Variants in CDH12 observed in about 807,000 individuals in gnomAD.
The protein encoded by CDH12 is cadherin-12.
CDH12 carries 41 observed loss-of-function variants against 74.1 expected under a neutral mutation model. That is an observed-to-expected ratio of 0.55 (90% CI 0.43 to 0.72). CDH12 has a LOEUF of 0.72. CDH12 is among the 30% of genes least tolerant of loss of function. The pLI is 0.00. For missense variants in CDH12, 945 were observed against 977.2 expected, an observed-to-expected ratio of 0.97 and a Z score of 0.44; for synonymous variants, 399 against 355.0, an observed-to-expected ratio of 1.12 and a Z score of -1.39.
intron 6 of CDH12, among the ~76,000 whole-genome samples, chr5:21,890,857 G>T (rs1274070153): frequency 6.6e-6 from 1 of 151,986 alleles, no homozygotes; most frequent in African/African-American, 2.4e-5. Flanking sequence ...GAATTACAAA[G>T]AAAGAGCAAA....
At chr5:21,788,251 C>T (rs1746302693) in intron 10 of CDH12, among the ~76,000 whole-genome samples, 1 of 152,098 alleles carries the variant, frequency 6.6e-6, no homozygotes, top group African/African-American at 2.4e-5. Flanking sequence ...GGCAATCCTT[C>T]CTGCACATGA....
chr5:22,119,880 T>C (rs1745403701), intron 4 of CDH12, among the ~76,000 whole-genome samples: 1 of 152,262 alleles, frequency 6.6e-6, no homozygotes, highest in Middle Eastern at 3.4e-3. Flanking sequence ...TTGTTAAACA[T>C]TGGTATTATT....
chr5:22,518,179 G>A (rs769822491), intron 1 of CDH12, among the ~76,000 whole-genome samples: 2 of 152,180 alleles, frequency 1.3e-5, no homozygotes, highest in African/African-American at 2.4e-5. Context: ...GTAGACAAGA[G>A]GAATTAATGT....
At chr5:22,180,606 G>A (rs1372284184) in intron 4 of CDH12, among the ~76,000 whole-genome samples, 13 of 151,790 alleles carry the variant, frequency 8.6e-5, no homozygotes, top group Non-Finnish European at 1.5e-4. Flanking sequence ...TCTGCCTCCC[G>A]GGTTTCAAGC....
intron 1 of CDH12, among the ~76,000 whole-genome samples, chr5:22,569,465 T>C (rs959785254): frequency 6.6e-6 from 1 of 152,218 alleles, no homozygotes; most frequent in Non-Finnish European, 1.5e-5. Context: ...TGCAGAACCA[T>C]GAGCCAATTA....
intron 5 of CDH12, among the ~76,000 whole-genome samples, chr5:22,024,722 C>T (rs1340544037): frequency 6.6e-6 from 1 of 152,024 alleles, no homozygotes; most frequent in Non-Finnish European, 1.5e-5. Context: ...CCATATTGGT[C>T]AGGTTGGTCT....
chr5:21,837,205 A>G (rs1448880770), intron 8 of CDH12, among the ~76,000 whole-genome samples: 1 of 152,070 alleles, frequency 6.6e-6, no homozygotes, highest in Non-Finnish European at 1.5e-5. Flanking sequence ...TTATTAGTCT[A>G]GATCCTCATC....
intron 2 of CDH12, among the ~76,000 whole-genome samples, chr5:22,454,457 T>A (rs528816623): frequency 6.6e-6 from 1 of 151,390 alleles, no homozygotes; most frequent in African/African-American, 2.4e-5. Flanking sequence ...CACCATAAAC[T>A]GGGTGGCTTA....
At position 22,853,344 on chromosome 5, in the gene CDH12, T is replaced by A. The variant is rs78558054; in HGVS notation, c.-809A>T. On this transcript the variant is annotated 5_prime_UTR_variant, in exon 1 of 15. Transcript: ENST00000382254. ...CCACATTTACCCTTCAGATCAATAATGCTCTCGGAGCGGCTGGAGCTCAAC... is the reference window on the plus strand; with the variant it reads ...CCACATTTACCCTTCAGATCAATAAAGCTCTCGGAGCGGCTGGAGCTCAAC... The A allele has an allele frequency of 1.3e-5, 2 of 152,226 alleles. No individual in the cohort carries two copies. The highest frequency in any genetic ancestry group is 3.9e-4 in the East Asian group (2 of 5,142). The allele number at this position is 152,226 out of a possible 1,614,324, so 9.4% of individuals were successfully genotyped here.
chr5:22,788,679 A>G (rs1459405774), intron 1 of CDH12, among the ~76,000 whole-genome samples: 1 of 148,480 alleles, frequency 6.7e-6, no homozygotes, highest in Non-Finnish European at 1.5e-5. Flanking sequence ...AAAATATGAT[A>G]TAACATTTAA....
At chr5:22,834,402 G>A (rs964036517) in intron 1 of CDH12, among the ~76,000 whole-genome samples, 1 of 152,050 alleles carries the variant, frequency 6.6e-6, no homozygotes, top group Admixed American at 6.6e-5. Context: ...CCAACAGAAA[G>A]GTTTGCAAGT....
At chr5:22,076,635 T>C (rs997354548) in intron 5 of CDH12, among the ~76,000 whole-genome samples, 24 of 152,284 alleles carry the variant, frequency 1.6e-4, no homozygotes, top group African/African-American at 5.1e-4. Context: ...GAAACAAGTA[T>C]AGGAGAACCA....
At chr5:21,890,971 T>G (rs1347882493) in intron 6 of CDH12, among the ~76,000 whole-genome samples, 3 of 152,188 alleles carry the variant, frequency 2.0e-5, no homozygotes, top group African/African-American at 7.2e-5. Context: ...TTATCCAAAG[T>G]ATATAAACCC....
chr5:21,961,270 C>T (rs1366181139), intron 6 of CDH12, among the ~76,000 whole-genome samples: 2 of 152,190 alleles, frequency 1.3e-5, no homozygotes, highest in East Asian at 3.9e-4. Flanking sequence ...ATGAGCTTAA[C>T]CTTTTATCAT....
chr5:22,689,457 C>G (rs1043027701), intron 1 of CDH12, among the ~76,000 whole-genome samples: 1 of 151,852 alleles, frequency 6.6e-6, no homozygotes, highest in Non-Finnish European at 1.5e-5. Flanking sequence ...AGACTTTTCC[C>G]AAAGCTACAG....
In CDH12 at chr5:21,908,586, C is replaced by A. The variant is rs541101379; in HGVS notation, c.527-53796G>T. ...AAAAATGCACTGAACACACATATTT[C>A]AAGCCTGTTTGGGTCATATCTCTTA... On this transcript the variant is annotated intron_variant, in intron 6 of 14. Coordinates refer to ENST00000382254, the MANE Select transcript of CDH12 (RefSeq NM_004061.5). Among the ~76,000 whole-genome samples the A allele has an allele frequency of 9.3e-4, 142 of 152,298 alleles. 1 individual carries two copies. Among genetic ancestry groups the A allele is most frequent in the African/African-American group, 3.2e-3 (134 of 41,572 alleles).
chr5:22,359,029 C>T (rs1266571802), intron 3 of CDH12, among the ~76,000 whole-genome samples: 3 of 152,100 alleles, frequency 2.0e-5, no homozygotes, highest in Admixed American at 2.0e-4. Context: ...AACTAATGAG[C>T]AAAATAACCA....
At chr5:22,257,149 A>T (rs1208117862) in intron 3 of CDH12, among the ~76,000 whole-genome samples, 1 of 152,136 alleles carries the variant, frequency 6.6e-6, no homozygotes, top group Non-Finnish European at 1.5e-5. Flanking sequence ...ATAGAGAAGA[A>T]CAATCCACAC....
intron 4 of CDH12, among the ~76,000 whole-genome samples, chr5:22,150,365 CAA>C (rs1393129163): frequency 6.6e-6 from 1 of 152,094 alleles, no homozygotes; most frequent in Non-Finnish European, 1.5e-5. Flanking sequence ...GCAAAGCCCT[CAA>C]AGTCAAGTGC....
Sources: allele counts gnomAD v4.1 joint callset (sites outside exome capture counted in the v4.1 genomes callset), GRCh38; gene constraint gnomAD v4.1.1; transcripts MANE v1.5; gene names NCBI Gene and HGNC (gene_info 2026-07-23, HGNC 2026-07-21).